The following OR7E24 variants were observed in gnomAD, a reference collection of about 807,000 sequenced individuals.
OR7E24 encodes olfactory receptor 7E24.
For synonymous variants in OR7E24, 130 were observed against 157.5 expected, an observed-to-expected ratio of 0.83 and a Z score of 1.31; for missense variants, 385 against 410.3, an observed-to-expected ratio of 0.94 and a Z score of 0.53.
chr19:9,236,823 T>A, the OR7E24 span, among the ~76,000 whole-genome samples: 1 of 152,194 alleles, frequency 6.6e-6, no homozygotes, highest in African/African-American at 2.4e-5. Context: ...AATTTGATTT[T>A]GCTCGTTATC....
the OR7E24 span, among the ~76,000 whole-genome samples, chr19:9,228,966 G>C: frequency 2.0e-5 from 3 of 152,212 alleles, no homozygotes; most frequent in Non-Finnish European, 4.4e-5. Flanking sequence ...AAGAGGTGAT[G>C]GGTATGTCCC....
At chr19:9,248,794 C>T (rs149828263), upstream of OR7E24, among the ~76,000 whole-genome samples, 8 of 152,314 alleles carry the variant, frequency 5.3e-5, no homozygotes, top group Non-Finnish European at 1.0e-4. Context: ...TTTCAAAATG[C>T]GCTTCAGATG....
At chr19:9,222,086 C>G in the OR7E24 span, among the ~76,000 whole-genome samples, 1 of 152,310 alleles carries the variant, frequency 6.6e-6, no homozygotes, top group South Asian at 2.1e-4. Context: ...TCCTTTCCCC[C>G]TTGTGAGTCT....
At chr19:9,237,910 G>T in the OR7E24 span, among the ~76,000 whole-genome samples, 113,711 of 152,078 alleles carry the variant, frequency 0.75, 44,070 homozygotes, top group Non-Finnish European at 0.84. Flanking sequence ...TATAGAAGCT[G>T]GCACATTGAA....
At chr19:9,232,826 A>T in the OR7E24 span, among the ~76,000 whole-genome samples, 22 of 150,810 alleles carry the variant, frequency 1.5e-4, no homozygotes, top group Admixed American at 6.6e-4. Context: ...CCCCAAACGA[A>T]TGACACTGCT....
the OR7E24 span, among the ~76,000 whole-genome samples, chr19:9,237,387 T>G: frequency 6.6e-6 from 1 of 152,168 alleles, no homozygotes; most frequent in Non-Finnish European, 1.5e-5. Flanking sequence ...CTCGGCTCAC[T>G]GCAAGCTCCG....
At chr19:9,218,438 T>C in the OR7E24 span, among the ~76,000 whole-genome samples, 1 of 152,152 alleles carries the variant, frequency 6.6e-6, no homozygotes, top group Non-Finnish European at 1.5e-5. Context: ...TGAAAAAGAT[T>C]ATCAACCAGG....
At chr19:9,224,380 C>A in the OR7E24 span, among the ~76,000 whole-genome samples, 1 of 152,156 alleles carries the variant, frequency 6.6e-6, no homozygotes, top group East Asian at 1.9e-4. Context: ...GGAACTATTT[C>A]TCAAAGACAT....
the OR7E24 span, among the ~76,000 whole-genome samples, chr19:9,220,999 G>A: frequency 6.6e-6 from 1 of 152,084 alleles, no homozygotes; most frequent in African/African-American, 2.4e-5. Flanking sequence ...GTTGGGCCGG[G>A]CGCAGTGGCT....
chr19:9,213,105 A>G, the OR7E24 span: 2 of 152,252 alleles, frequency 1.3e-5, no homozygotes. Context: ...AGCAACAAGC[A>G]CTGTCCTGAT....
chr19:9,229,822 A>C, the OR7E24 span, among the ~76,000 whole-genome samples: 1 of 152,094 alleles, frequency 6.6e-6, no homozygotes, highest in Non-Finnish European at 1.5e-5. Flanking sequence ...GGGCCCTGCC[A>C]CCCCTCAAGT....
At chr19:9,233,484 T>C in the OR7E24 span, among the ~76,000 whole-genome samples, 2 of 152,244 alleles carry the variant, frequency 1.3e-5, no homozygotes, top group African/African-American at 4.8e-5. Context: ...TTTATTTTAA[T>C]GGCTGTGTGC....
At chr19:9,232,700 G>A in the OR7E24 span, among the ~76,000 whole-genome samples, 2 of 152,020 alleles carry the variant, frequency 1.3e-5, no homozygotes, top group African/African-American at 2.4e-5. Context: ...ACTCGGCAGC[G>A]CCTCGGAGAG....
At chr19:9,227,527 T>C in the OR7E24 span, among the ~76,000 whole-genome samples, 1 of 151,768 alleles carries the variant, frequency 6.6e-6, no homozygotes, top group Non-Finnish European at 1.5e-5. Flanking sequence ...CATGCCTGCC[T>C]GATATCATTC....
the OR7E24 span, among the ~76,000 whole-genome samples, chr19:9,216,537 G>T: frequency 1.3e-5 from 2 of 152,258 alleles, no homozygotes; most frequent in African/African-American, 4.8e-5. Context: ...CATGTCATTT[G>T]TCTACTATGA....
chr19:9,218,535 A>T, the OR7E24 span, among the ~76,000 whole-genome samples: 1 of 152,248 alleles, frequency 6.6e-6, no homozygotes, highest in Non-Finnish European at 1.5e-5. Flanking sequence ...GCAACAAGAT[A>T]TGCTATGTTA....
At chr19:9,239,707 C>CTTTTTTTTTTTTT in the OR7E24 span, among the ~76,000 whole-genome samples, 96 of 123,010 alleles carry the variant, frequency 7.8e-4, 1 homozygote, top group East Asian at 9.2e-4. Flanking sequence ...TTTTCTTTTT[C>CTTTTTTTTTTTTT]TTTTTTTTTT....
At chr19:9,223,126 T>A in the OR7E24 span, among the ~76,000 whole-genome samples, 11 of 152,240 alleles carry the variant, frequency 7.2e-5, no homozygotes, top group Non-Finnish European at 1.3e-4. Flanking sequence ...ATTTGCACCA[T>A]CCTTGTGAGG....
At chr19:9,229,726 A>AT in the OR7E24 span, among the ~76,000 whole-genome samples, 1 of 152,164 alleles carries the variant, frequency 6.6e-6, no homozygotes, top group Non-Finnish European at 1.5e-5. Flanking sequence ...GAGCTGAATT[A>AT]TTTGGAGGGT....
Sources: allele counts gnomAD v4.1 joint callset (sites outside exome capture counted in the v4.1 genomes callset), GRCh38; gene constraint gnomAD v4.1.1; transcripts MANE v1.5; gene names NCBI Gene and HGNC (gene_info 2026-07-23, HGNC 2026-07-21).